KLHL25: variants seen among roughly 807,000 people sequenced by gnomAD.
The protein encoded by KLHL25 is kelch like family member 25, also known as kelch-like protein 25.
A neutral mutation model predicts 30.0 loss-of-function variants in KLHL25; 41 were observed. The ratio of observed to expected loss-of-function variants is 1.37; its 90% CI spans 1.07 to 1.78. KLHL25 has a LOEUF of 1.78. KLHL25 is among the 40% of genes most tolerant of loss of function. The pLI, the probability that KLHL25 is intolerant of heterozygous loss-of-function variation, is 0.00. For missense variants in KLHL25, 971 were observed against 824.5 expected (o/e 1.18, Z -2.18); for synonymous variants, 399 against 355.3 (o/e 1.12, Z -1.38).
intron 2 of KLHL25, chr15:85,764,049 C>G (rs961029202): frequency 5.3e-5 from 8 of 152,288 alleles, no homozygotes; most frequent in African/African-American, 1.9e-4. Flanking sequence ...GTTGGGGGCT[C>G]TCCTCTGGCT....
rs2089644774 is a variant in KLHL25 at position 85,768,789 on chromosome 15, T to G, written c.1022A>C (p.Lys341Thr). ...GCCCCTGCCCCCCGTCACATAGACC[T>G]TGCAGCCGATCGCTGAGGCGCTGAA... is the stretch of plus-strand genomic sequence containing the variant. ...KEFSASAIGC[K>T]VYVTGGRGSE... Residue 341 changes from lysine to threonine, a missense_variant, in exon 2 of 3, where the codon AAG becomes ACG. By Grantham distance (78) the Lys-to-Thr change is moderately conservative. Coordinates refer to ENST00000337975, the MANE Select transcript of KLHL25 (RefSeq NM_022480.4). The G allele has an allele frequency of 1.9e-6, 3 of 1,613,242 alleles. No homozygotes were observed. Among genetic ancestry groups the G allele is most frequent in the Non-Finnish European group, 2.5e-6 (3 of 1,180,038 alleles).
intron 1 of KLHL25, among the ~76,000 whole-genome samples, chr15:85,775,256 G>A (rs1037814478): frequency 3.3e-5 from 5 of 152,132 alleles, no homozygotes; most frequent in East Asian, 3.9e-4. Flanking sequence ...TTGGAAACTC[G>A]GAAAAGCCAA....
At chr15:85,764,557 G>A (rs975057388) in intron 2 of KLHL25, 3 of 152,348 alleles carry the variant, frequency 2.0e-5, no homozygotes, top group Non-Finnish European at 4.4e-5. Flanking sequence ...GCTCAGTCTT[G>A]TGTGTCCGCT....
At chr15:85,787,874 C>T (rs1306765392) in intron 1 of KLHL25, among the ~76,000 whole-genome samples, 4 of 152,094 alleles carry the variant, frequency 2.6e-5, no homozygotes, top group African/African-American at 9.7e-5. Flanking sequence ...TCACACTGTG[C>T]TCCATCTTTT....
In KLHL25 at chr15:85,769,190, C is replaced by T. The variant is rs749497216; in HGVS notation, c.621G>A (p.Glu207=). Residue 207 remains glutamate (E), a synonymous_variant, in exon 2 of 3, where the codon GAG becomes GAA. Coordinates refer to ENST00000337975, the MANE Select transcript of KLHL25 (RefSeq NM_022480.4). ...GGAGGATGGCCTCGAAGACCACCCG[C>T]TCGTCCTCGGTCTCCAGCTCATCAC... The part of the protein sequence containing the change: ...ISSDELETED[E]RVVFEAILQW... 8 of 1,613,590 alleles carry T rather than the reference C, an allele frequency of 5.0e-6. No homozygotes were observed. Among genetic ancestry groups the T allele is most frequent in the South Asian group, 1.1e-5 (1 of 91,088 alleles).
At chr15:85,777,462 A>G (rs1173134924) in intron 1 of KLHL25, among the ~76,000 whole-genome samples, 1 of 152,106 alleles carries the variant, frequency 6.6e-6, no homozygotes, top group African/African-American at 2.4e-5. Context: ...ACATGGCCCT[A>G]CCCGTCAGCC....
intron 1 of KLHL25, among the ~76,000 whole-genome samples, chr15:85,778,324 G>GA (rs1264753010): frequency 6.6e-6 from 1 of 152,192 alleles, no homozygotes; most frequent in Non-Finnish European, 1.5e-5. Context: ...CAGAGAGCCA[G>GA]AAAGTCCAAT....
At chr15:85,786,099 T>G (rs2089779604) in intron 1 of KLHL25, among the ~76,000 whole-genome samples, 2 of 152,102 alleles carry the variant, frequency 1.3e-5, no homozygotes. Context: ...GCGAGGCCCC[T>G]CCCCTTTCCC....
intron 2 of KLHL25, among the ~76,000 whole-genome samples, chr15:85,765,885 T>C (rs2089620869): frequency 6.6e-6 from 1 of 151,626 alleles, no homozygotes; most frequent in African/African-American, 2.4e-5. Context: ...AAAACTGGTG[T>C]TCCTATTCAG....
chr15:85,792,362 A>G (rs2089823274), intron 1 of KLHL25, among the ~76,000 whole-genome samples: 1 of 152,212 alleles, frequency 6.6e-6, no homozygotes. Context: ...AATTTACCAC[A>G]TTAGATGAAA....
Position 85,768,185 on chromosome 15 carries a change from C to A in KLHL25, c.1626G>T (p.Val542=). 6.2e-7 allele frequency: 1 copy of A among 1,614,228 alleles called. No individual in the cohort carries two copies. Among genetic ancestry groups the A allele is most frequent in the Non-Finnish European group, 8.5e-7 (1 of 1,180,038 alleles). Residue 542 remains valine (V), a synonymous_variant, in exon 2 of 3, where the codon GTG becomes GTT. Transcript: ENST00000337975. ...HALASGNKLY[V]VGGYFGTQRC... ...TCTGGGTCCCAAAGTAGCCCCCGAC[C>A]ACATAGAGCTTGTTGCCGGAAGCCA...
At chr15:85,772,823 C>A (rs2089686090) in intron 1 of KLHL25, among the ~76,000 whole-genome samples, 1 of 152,284 alleles carries the variant, frequency 6.6e-6, no homozygotes, top group African/African-American at 2.4e-5. Flanking sequence ...AAAGTCGGCA[C>A]CAAGAATGCC....
intron 1 of KLHL25, among the ~76,000 whole-genome samples, chr15:85,778,961 A>G (rs77325144): frequency 3.2e-4 from 49 of 152,236 alleles, no homozygotes; most frequent in African/African-American, 8.2e-4. Flanking sequence ...GGACTGAGAA[A>G]GTTCACCTTA....
chr15:85,777,666 G>A (rs1230673692), intron 1 of KLHL25, among the ~76,000 whole-genome samples: 2 of 152,212 alleles, frequency 1.3e-5, no homozygotes, highest in South Asian at 2.1e-4. Flanking sequence ...TGGTCACCAG[G>A]GAGTGGGAGC....
intron 2 of KLHL25, chr15:85,763,339 C>T (rs1267509911): frequency 1.3e-5 from 2 of 152,194 alleles, no homozygotes; most frequent in Non-Finnish European, 1.5e-5. Flanking sequence ...TGAGGATGCC[C>T]GTGGCCAGCT....
chr15:85,771,095 G>T, intron 1 of KLHL25: 2 of 187,598 alleles, frequency 1.1e-5, no homozygotes, highest in South Asian at 2.3e-4. Flanking sequence ...GGAATTCACT[G>T]ACCACCTTGT....
Position 85,768,409 on chromosome 15 carries a change from AGG to A in KLHL25, c.1400_1401del (p.Pro467LeufsTer33). 6.2e-7 allele frequency: 1 copy of A among 1,613,258 alleles called. No individual in the cohort carries two copies. The highest frequency in any genetic ancestry group is 8.5e-7 in the Non-Finnish European group (1 of 1,179,874). On this transcript the variant is annotated frameshift_variant, in exon 2 of 3. Transcript: ENST00000337975. LOFTEE classifies it high-confidence loss of function. ...GCCTTGATCGTCCACCTGTTCTCCGAGGGGTCATAGCACTGGACCTTGGACAC... is the reference window on the plus strand; with the variant it reads ...GCCTTGATCGTCCACCTGTTCTCCGAGGTCATAGCACTGGACCTTGGACAC... Reference protein sequence around the residue: ...DMVSKVQCYDPSENRWTIKAE... With the variant: ...DMVSKVQCYDXSENRWTIKAE...
rs1033416243 is a variant in KLHL25 at position 85,785,852 on chromosome 15, T to C, written c.-11+8914A>G. On this transcript the variant is annotated intron_variant, in intron 1 of 2. Transcript: ENST00000337975. ...ACTTCCTGCAACACAGATATACCAG[T>C]TGATGCCTGAAAAGAAACCTGGTGA... Among the ~76,000 whole-genome samples, 4 of 152,270 alleles carry C rather than the reference T, an allele frequency of 2.6e-5. No individual in the cohort carries two copies. In the East Asian group the frequency reaches 5.8e-4, roughly 22 times the overall value.
rs548895919 is a variant in KLHL25 at position 85,786,670 on chromosome 15, C to T, written c.-11+8096G>A. Among the ~76,000 whole-genome samples the T allele has an allele frequency of 4.6e-5, 7 of 152,348 alleles. No individual in the cohort carries two copies. The South Asian group carries it at 8.3e-4, about 18-fold the overall frequency. On this transcript the variant is annotated intron_variant, in intron 1 of 2. Coordinates refer to ENST00000337975, the MANE Select transcript of KLHL25 (RefSeq NM_022480.4). The stretch of plus-strand genomic sequence containing the variant: ...GATGGCTCTCAGCCAGGTAAGGCCC[C>T]GTGCATCTCTGGGACAATAGGCAGA...
Sources: allele counts gnomAD v4.1 joint callset (sites outside exome capture counted in the v4.1 genomes callset), GRCh38; gene constraint gnomAD v4.1.1; transcripts MANE v1.5; gene names NCBI Gene and HGNC (gene_info 2026-07-23, HGNC 2026-07-21).